TTLL5: variants seen among roughly 807,000 people sequenced by gnomAD.
TTLL5 encodes tubulin tyrosine ligase like 5.
TTLL5 carries 132 observed loss-of-function variants against 168.4 expected under a neutral mutation model. The ratio of observed to expected loss-of-function variants is 0.78; its 90% confidence interval spans 0.68 to 0.91. The LOEUF is 0.91. Among genes scored for constraint, TTLL5 ranks in the 40% least tolerant of loss-of-function variants. The pLI is 0.00. For synonymous variants in TTLL5, 546 were observed against 558.6 expected (o/e 0.98, Z 0.32); for missense variants, 1,545 against 1,581.5 (o/e 0.98, Z 0.39).
chr14:75,747,106 G>GT (rs1889663332), intron 17 of TTLL5, among the ~76,000 whole-genome samples: 1 of 151,826 alleles, frequency 6.6e-6, no homozygotes, highest in East Asian at 1.9e-4. Context: ...CTGTGCTCAT[G>GT]TTTTTTCAGA....
chr14:75,916,323 T>C (rs1376381737), intron 31 of TTLL5, among the ~76,000 whole-genome samples: 10 of 151,980 alleles, frequency 6.6e-5, no homozygotes, highest in Non-Finnish European at 1.5e-4. Context: ...TGAAAAACAC[T>C]ATGGTGGTTC....
chr14:75,671,783 G>C (rs533014655), intron 3 of TTLL5, among the ~76,000 whole-genome samples: 1 of 152,102 alleles, frequency 6.6e-6, no homozygotes, highest in Non-Finnish European at 1.5e-5. Context: ...AATAGTTTTT[G>C]TGTTTAGGTT....
At position 75,745,571 on chromosome 14, in the gene TTLL5, G is replaced by A. The variant is rs1889554374; in HGVS notation, c.1477G>A (p.Glu493Lys). The change falls in exon 17 of 32, where the codon GAA (glutamate) becomes AAA (lysine). Residue 493 changes from glutamate (E) to lysine (K), a missense_variant. By Grantham distance (56) the Glu-to-Lys change is moderately conservative. Transcript: ENST00000298832. ...CATATTTCCTACATCTGAGACATGG[G>A]AAATATATGGGTGAGGTGACTACCT... The part of the protein sequence containing the change: ...IRIFPTSETW[E>K]IYGSYLEHKT... 2 of 1,613,742 alleles carry A rather than the reference G, an allele frequency of 1.2e-6. No homozygotes were observed. Among genetic ancestry groups the A allele is most frequent in the African/African-American group, 2.7e-5 (2 of 74,866 alleles).
intron 31 of TTLL5, among the ~76,000 whole-genome samples, chr14:75,925,395 GCGCTCCT>G (rs1432984039): frequency 8.2e-5 from 2 of 24,506 alleles, no homozygotes; most frequent in Non-Finnish European, 1.5e-4. Context: ...CCGGGCAGAG[GCGCTCCT>G]CACATCCCAG....
chr14:75,875,708 A>T (rs566095716), intron 29 of TTLL5, among the ~76,000 whole-genome samples: 3 of 152,332 alleles, frequency 2.0e-5, no homozygotes, highest in African/African-American at 7.2e-5. Context: ...CTACGTTTAT[A>T]GATAGGGAAA....
intron 28 of TTLL5, chr14:75,838,953 G>A (rs551773693): frequency 6.5e-6 from 1 of 152,946 alleles, no homozygotes; most frequent in East Asian, 1.9e-4. Flanking sequence ...TGGTCCACTG[G>A]CCAGTGTGGG....
chr14:75,801,152 G>C (rs1893294070), intron 27 of TTLL5, among the ~76,000 whole-genome samples: 1 of 152,146 alleles, frequency 6.6e-6, no homozygotes, highest in African/African-American at 2.4e-5. Flanking sequence ...GGTTGGGGCA[G>C]AGTTAGGCAT....
chr14:75,753,243 C>T (rs1890060701), intron 18 of TTLL5, among the ~76,000 whole-genome samples: 1 of 152,126 alleles, frequency 6.6e-6, no homozygotes, highest in Non-Finnish European at 1.5e-5. Flanking sequence ...TACTTAGTGC[C>T]ATTATATTTT....
chr14:75,702,593 CTT>C (rs1886352219), intron 7 of TTLL5, among the ~76,000 whole-genome samples: 1 of 152,168 alleles, frequency 6.6e-6, no homozygotes, highest in African/African-American at 2.4e-5. Flanking sequence ...AAAAGTTAAA[CTT>C]TCCTTGGTGG....
At chr14:75,809,545 T>C (rs1377663828) in intron 27 of TTLL5, among the ~76,000 whole-genome samples, 2 of 152,236 alleles carry the variant, frequency 1.3e-5, no homozygotes, top group East Asian at 3.8e-4. Flanking sequence ...ATCCGTTGCT[T>C]CAAAGATTTA....
chr14:75,821,245 T>C (rs1415308794), intron 28 of TTLL5, among the ~76,000 whole-genome samples: 1 of 152,206 alleles, frequency 6.6e-6, no homozygotes, highest in Non-Finnish European at 1.5e-5. Context: ...GTGATCATTG[T>C]GGTCGGGGCG....
chr14:75,761,467 G>T (rs1469288485), intron 18 of TTLL5, among the ~76,000 whole-genome samples: 2 of 152,206 alleles, frequency 1.3e-5, no homozygotes, highest in African/African-American at 2.4e-5. Context: ...CAACAGAGCA[G>T]ATAACTGTGG....
chr14:75,863,911 TAAA>T (rs76733656), intron 29 of TTLL5, 49 bp downstream of exon 29: 5,937 of 99,476 alleles, frequency 0.06, 50 homozygotes, highest in Middle Eastern at 0.095. Flanking sequence ...CTGCTGTTGG[TAAA>T]AAAAAAAAAA....
intron 27 of TTLL5, among the ~76,000 whole-genome samples, chr14:75,796,410 A>G (rs1338842540): frequency 1.3e-5 from 2 of 152,132 alleles, no homozygotes; most frequent in Non-Finnish European, 2.9e-5. Flanking sequence ...TTTTGCCTGC[A>G]GAAGCTTTTT....
intron 7 of TTLL5, among the ~76,000 whole-genome samples, chr14:75,702,644 G>T (rs1034096499): frequency 5.2e-5 from 7 of 135,236 alleles, no homozygotes; most frequent in African/African-American, 1.6e-4. Flanking sequence ...CCTGGATGCC[G>T]AATCTCAGTG....
At chr14:75,688,824 T>C (rs760165021) in intron 5 of TTLL5, among the ~76,000 whole-genome samples, 2 of 152,228 alleles carry the variant, frequency 1.3e-5, no homozygotes, top group African/African-American at 2.4e-5. Context: ...ACTTTGGTTT[T>C]TCCTCAATAT....
chr14:75,894,396 A>G (rs1308757666), intron 30 of TTLL5, among the ~76,000 whole-genome samples: 1 of 152,132 alleles, frequency 6.6e-6, no homozygotes, highest in Non-Finnish European at 1.5e-5. Flanking sequence ...TACTAAAAAT[A>G]CAAAAAATTA....
chr14:75,827,959 C>T (rs1193598243), intron 28 of TTLL5, among the ~76,000 whole-genome samples: 1 of 151,840 alleles, frequency 6.6e-6, no homozygotes, highest in Non-Finnish European at 1.5e-5. Flanking sequence ...TAAAGCAGTC[C>T]ACCCGCCTCA....
At chr14:75,882,481 C>T (rs2031870964) in intron 29 of TTLL5, among the ~76,000 whole-genome samples, 1 of 152,178 alleles carries the variant, frequency 6.6e-6, no homozygotes, top group Non-Finnish European at 1.5e-5. Flanking sequence ...TTCAACAAGA[C>T]CATTTCAACA....
Sources: gnomAD v4.1 joint callset for allele counts (sites outside exome capture counted in the v4.1 genomes callset) on GRCh38, gnomAD v4.1.1 for gene constraint, MANE v1.5 for transcripts, NCBI Gene and HGNC (gene_info 2026-07-23, HGNC 2026-07-21) for gene names.